NBAS: variants seen among roughly 807,000 people sequenced by gnomAD.
NBAS encodes NBAS subunit of NRZ tethering complex.
In NBAS, 219 loss-of-function variants were observed where a neutral mutation model predicts 302.5. That is an observed-to-expected ratio of 0.72 (90% CI 0.65 to 0.81). The LOEUF (loss-of-function observed/expected upper bound fraction) is 0.81, where lower values mean the gene tolerates loss of function less well. Ranked by LOEUF, NBAS falls within the 30% of genes least tolerant of loss-of-function variation. The pLI, the probability that NBAS is intolerant of heterozygous loss-of-function variation, is 0.00. For missense variants in NBAS, 2,932 were observed against 2,841.6 expected, an observed-to-expected ratio of 1.03 and a Z score of -0.72; for synonymous variants, 1,118 against 1,021.6, an observed-to-expected ratio of 1.09 and a Z score of -1.80.
chr2:15,110,155 T>A, the NBAS span, among the ~76,000 whole-genome samples: 1 of 151,954 alleles, frequency 6.6e-6, no homozygotes, highest in Admixed American at 6.6e-5. Flanking sequence ...CAAAGATGAA[T>A]ACCTAAAGGA....
chr2:15,544,673 C>A (rs1216201803), intron 6 of NBAS, among the ~76,000 whole-genome samples: 2 of 152,112 alleles, frequency 1.3e-5, no homozygotes, highest in East Asian at 3.9e-4. Flanking sequence ...AAAACAATAG[C>A]AATGACTCCC....
At chr2:14,838,682 T>C in the NBAS span, among the ~76,000 whole-genome samples, 2 of 152,054 alleles carry the variant, frequency 1.3e-5, no homozygotes, top group Non-Finnish European at 2.9e-5. Flanking sequence ...CAGATAATAT[T>C]ATCAACCCCT....
the NBAS span, among the ~76,000 whole-genome samples, chr2:15,097,745 A>G: frequency 6.6e-6 from 1 of 150,592 alleles, no homozygotes; most frequent in South Asian, 2.1e-4. Context: ...ACCTAACACC[A>G]TCATCCTGGG....
chr2:15,323,829 T>C (rs1241771084), intron 38 of NBAS, among the ~76,000 whole-genome samples: 1 of 150,232 alleles, frequency 6.7e-6, no homozygotes, highest in Non-Finnish European at 1.5e-5. Flanking sequence ...AGCAAGACCC[T>C]GTCTCAAAAC....
At chr2:15,399,218 G>C (rs1676025806) in intron 26 of NBAS, among the ~76,000 whole-genome samples, 1 of 152,062 alleles carries the variant, frequency 6.6e-6, no homozygotes, top group Non-Finnish European at 1.5e-5. Flanking sequence ...CAGTGATTTT[G>C]CCTGGTCGAC....
chr2:15,141,108 A>C, the NBAS span, among the ~76,000 whole-genome samples: 2 of 152,052 alleles, frequency 1.3e-5, no homozygotes, highest in African/African-American at 2.4e-5. Context: ...TTTAGGAAAA[A>C]TCCAGTGTCT....
the NBAS span, among the ~76,000 whole-genome samples, chr2:15,154,559 T>C: frequency 0.49 from 73,832 of 152,080 alleles, 18,632 homozygotes; most frequent in African/African-American, 0.6. Flanking sequence ...TTCTACATTC[T>C]TGCATGATTC....
At chr2:14,824,339 A>C in the NBAS span, among the ~76,000 whole-genome samples, 1 of 152,206 alleles carries the variant, frequency 6.6e-6, no homozygotes, top group African/African-American at 2.4e-5. Context: ...TATCAGAAAA[A>C]GTACAAATAT....
At chr2:15,087,911 T>C in the NBAS span, among the ~76,000 whole-genome samples, 1 of 152,166 alleles carries the variant, frequency 6.6e-6, no homozygotes, top group African/African-American at 2.4e-5. Context: ...TGGGGTGAAG[T>C]AGGTTGCATT....
At chr2:15,108,071 T>G in the NBAS span, among the ~76,000 whole-genome samples, 1 of 149,614 alleles carries the variant, frequency 6.7e-6, no homozygotes, top group Non-Finnish European at 1.5e-5. Context: ...ACCAAATCTG[T>G]GTATCCATTC....
At chr2:15,192,565 CAA>C (rs1418153953) in intron 48 of NBAS, among the ~76,000 whole-genome samples, 2 of 152,142 alleles carry the variant, frequency 1.3e-5, no homozygotes, top group Non-Finnish European at 2.9e-5. Context: ...TACAACTACA[CAA>C]ATGATACTTT....
the NBAS span, among the ~76,000 whole-genome samples, chr2:14,865,895 A>C: frequency 0.011 from 1,674 of 152,268 alleles, 31 homozygotes; most frequent in African/African-American, 0.037. Flanking sequence ...GAAAACTCTT[A>C]ACCAACAAGA....
chr2:15,532,475 T>G (rs1663267525), intron 9 of NBAS, among the ~76,000 whole-genome samples: 1 of 120,738 alleles, frequency 8.3e-6, no homozygotes, highest in African/African-American at 3.4e-5. Flanking sequence ...GGCGGCAGAG[T>G]GAGACTCCAT....
At chr2:15,383,827 C>A (rs913207484) in intron 28 of NBAS, among the ~76,000 whole-genome samples, 1 of 152,112 alleles carries the variant, frequency 6.6e-6, no homozygotes, top group Non-Finnish European at 1.5e-5. Flanking sequence ...CGCGGCTCAC[C>A]AGCAGGGCAG....
chr2:15,235,990 T>C (rs559226979), intron 45 of NBAS, among the ~76,000 whole-genome samples: 258 of 152,280 alleles, frequency 1.7e-3, no homozygotes, highest in African/African-American at 6.0e-3. Flanking sequence ...ACTGGGTATA[T>C]AATTAAGGAT....
At chr2:14,978,776 G>A in the NBAS span, among the ~76,000 whole-genome samples, 12 of 152,044 alleles carry the variant, frequency 7.9e-5, no homozygotes, top group African/African-American at 2.7e-4. Context: ...TTGCATTACC[G>A]TAAAACCCAG....
intron 21 of NBAS, among the ~76,000 whole-genome samples, chr2:15,443,116 T>C (rs999124552): frequency 3.3e-5 from 5 of 151,950 alleles, no homozygotes; most frequent in Non-Finnish European, 5.9e-5. Flanking sequence ...CTATTCCAAT[T>C]AACAGAAAAA....
chr2:15,417,498 T>C (rs778548552), intron 24 of NBAS, 29 bp downstream of exon 24: 3 of 1,581,194 alleles, frequency 1.9e-6, no homozygotes, highest in Non-Finnish European at 2.6e-6. Flanking sequence ...CTTTAAAATA[T>C]TTAAAAAGGA....
chr2:14,865,365 G>A, the NBAS span, among the ~76,000 whole-genome samples: 3 of 152,124 alleles, frequency 2.0e-5, no homozygotes, highest in Admixed American at 2.0e-4. Context: ...AGGGAAAGAA[G>A]TAGGAAAATG....
Sources: gnomAD v4.1 joint callset for allele counts (sites outside exome capture counted in the v4.1 genomes callset) on GRCh38, gnomAD v4.1.1 for gene constraint, MANE v1.5 for transcripts, NCBI Gene and HGNC (gene_info 2026-07-23, HGNC 2026-07-21) for gene names.